RGS7: variants seen among roughly 807,000 people sequenced by gnomAD.
RGS7 encodes regulator of G-protein signaling 7.
In RGS7, 27 loss-of-function variants were observed where a neutral mutation model predicts 81.1. The ratio of observed to expected loss-of-function variants is 0.33; its 90% CI spans 0.25 to 0.46. The LOEUF is 0.46. Among genes scored for constraint, RGS7 ranks in the 20% least tolerant of loss-of-function variants. The pLI is 1.00. For missense variants in RGS7, 396 were observed against 607.4 expected (o/e 0.65, Z 3.66); for synonymous variants, 208 against 207.7 (o/e 1.00, Z -0.01).
intron 5 of RGS7, among the ~76,000 whole-genome samples, chr1:240,934,316 G>T (rs2148365200): frequency 6.6e-6 from 1 of 152,242 alleles, no homozygotes; most frequent in Middle Eastern, 3.4e-3. Context: ...TGTAAACACG[G>T]CATCCCAACT....
intron 3 of RGS7, among the ~76,000 whole-genome samples, chr1:241,064,029 C>G (rs1226544180): frequency 6.6e-6 from 1 of 151,472 alleles, no homozygotes; most frequent in East Asian, 2.0e-4. Context: ...ACTAAAAATA[C>G]AAAATTAGCC....
intron 9 of RGS7, among the ~76,000 whole-genome samples, chr1:240,862,285 A>G (rs554541284): frequency 1.3e-4 from 20 of 152,322 alleles, no homozygotes; most frequent in Non-Finnish European, 1.3e-4. Context: ...GTAAAAAATC[A>G]TATTATGTAT....
At chr1:241,345,238 G>A (rs2082813780) in intron 2 of RGS7, among the ~76,000 whole-genome samples, 1 of 152,310 alleles carries the variant, frequency 6.6e-6, no homozygotes, top group Non-Finnish European at 1.5e-5. Flanking sequence ...CTATCGGAGG[G>A]TGGAGGATGG....
In RGS7 at chr1:240,990,034, C is replaced by T. The variant is rs746794824; in HGVS notation, c.176-6905G>A. On this transcript the variant is annotated intron_variant, in intron 3 of 18. Coordinates refer to ENST00000440928, the MANE Select transcript of RGS7 (RefSeq NM_001364886.1). ...GGGTTAAAATCTCTGCCACTGAAGA[C>T]GGCAAGACATTTGAGGCTGAAATCT... 4.6e-5 allele frequency among the ~76,000 whole-genome samples: 7 copies of T among 152,172 alleles called. No individual in the cohort carries two copies. The South Asian group carries it at 6.2e-4, about 14-fold the overall frequency.
chr1:240,898,336 G>A (rs1312616947), intron 6 of RGS7, among the ~76,000 whole-genome samples: 1 of 152,098 alleles, frequency 6.6e-6, no homozygotes, highest in East Asian at 1.9e-4. Context: ...TTTTGAATGT[G>A]TTTGCTCTTG....
rs112109398 is a variant in RGS7 at position 241,304,746 on chromosome 1, T to C, written c.78+50953A>G. Among the ~76,000 whole-genome samples the C allele has an allele frequency of 2.4e-3, 367 of 152,356 alleles. 4 individuals carry two copies. Among genetic ancestry groups the C allele is most frequent in the African/African-American group, 8.1e-3 (335 of 41,576 alleles). ...AGCAGTGGACATTAATGATAGTTAC[T>C]GCGCTGGCTTAAAAATAAAGAAAAA... On this transcript the variant is annotated intron_variant, in intron 2 of 18. Transcript: ENST00000440928.
intron 7 of RGS7, 131 bp downstream of exon 7, chr1:240,869,924 G>T: frequency 1.2e-6 from 1 of 837,676 alleles, no homozygotes; most frequent in South Asian, 1.4e-5. Flanking sequence ...TGGGTGACAA[G>T]AGTGAAACTC....
intron 2 of RGS7, among the ~76,000 whole-genome samples, chr1:241,297,741 C>T (rs1004866501): frequency 4.6e-5 from 7 of 152,204 alleles, no homozygotes; most frequent in Non-Finnish European, 7.3e-5. Flanking sequence ...TTAATCCAGT[C>T]TTCAATAACT....
intron 10 of RGS7, among the ~76,000 whole-genome samples, chr1:240,825,277 T>C (rs1214073524): frequency 6.6e-6 from 1 of 152,156 alleles, no homozygotes; most frequent in East Asian, 1.9e-4. Context: ...ATTCAGTGGA[T>C]CATTACAGTT....
intron 2 of RGS7, among the ~76,000 whole-genome samples, chr1:241,151,812 G>A (rs1379187070): frequency 6.6e-6 from 1 of 152,064 alleles, no homozygotes; most frequent in Non-Finnish European, 1.5e-5. Context: ...AGGAAAATAT[G>A]AAGTAGAATT....
intron 5 of RGS7, among the ~76,000 whole-genome samples, chr1:240,931,026 C>T (rs1675354074): frequency 6.6e-6 from 1 of 151,940 alleles, no homozygotes; most frequent in Non-Finnish European, 1.5e-5. Flanking sequence ...AATTTTACAC[C>T]AACTGACATA....
chr1:240,808,722 T>C (rs35832563), intron 14 of RGS7, among the ~76,000 whole-genome samples: 9,084 of 152,108 alleles, frequency 0.06, 330 homozygotes, highest in Middle Eastern at 0.085. Context: ...CTTAATAGCA[T>C]GGAGGAGCCA....
chr1:240,942,330 G>T (rs1677731886), intron 4 of RGS7, among the ~76,000 whole-genome samples: 1 of 152,046 alleles, frequency 6.6e-6, no homozygotes, highest in African/African-American at 2.4e-5. Flanking sequence ...TGAGTGTAAA[G>T]TACTCTATAT....
intron 3 of RGS7, among the ~76,000 whole-genome samples, chr1:241,080,789 G>C (rs1485531470): frequency 1.3e-5 from 2 of 152,036 alleles, no homozygotes; most frequent in Admixed American, 1.3e-4. Context: ...TAATTACATA[G>C]GCTAAGTAAA....
rs369533708 is a variant in RGS7 at position 240,930,693 on chromosome 1, A to C, written c.385+24T>G. 4 of 1,609,720 alleles carry C rather than the reference A, an allele frequency of 2.5e-6. No homozygotes were observed. In the African/African-American group the frequency reaches 5.3e-5, roughly 22 times the overall value. ...TCTACACATACAGGCTGTCAATAAT[A>C]AAATAATGAGAGATGGCACTGACCA... On this transcript the variant is annotated intron_variant, in intron 6 of 18. Transcript: ENST00000440928.
chr1:241,150,174 T>C (rs891308103), intron 2 of RGS7, among the ~76,000 whole-genome samples: 1 of 152,190 alleles, frequency 6.6e-6, no homozygotes, highest in Non-Finnish European at 1.5e-5. Flanking sequence ...ATTTGTATTA[T>C]ACAATGAAGA....
At chr1:241,342,122 C>T (rs930490448) in intron 2 of RGS7, among the ~76,000 whole-genome samples, 2 of 152,052 alleles carry the variant, frequency 1.3e-5, no homozygotes. Flanking sequence ...AATCTGTCCA[C>T]CTCAGCCTTC....
At chr1:240,926,404 C>T (rs768587711) in intron 6 of RGS7, among the ~76,000 whole-genome samples, 1 of 152,178 alleles carries the variant, frequency 6.6e-6, no homozygotes, top group Non-Finnish European at 1.5e-5. Context: ...GGAATCCTTT[C>T]TCCATTGCTT....
chr1:241,324,309 G>A (rs996969799), intron 2 of RGS7, among the ~76,000 whole-genome samples: 1 of 151,026 alleles, frequency 6.6e-6, no homozygotes, highest in Non-Finnish European at 1.5e-5. Context: ...AGACAGTTTG[G>A]GATGAAAGAA....
Sources: gnomAD v4.1 joint callset for allele counts (sites outside exome capture counted in the v4.1 genomes callset) on GRCh38, gnomAD v4.1.1 for gene constraint, MANE v1.5 for transcripts, NCBI Gene and HGNC (gene_info 2026-07-23, HGNC 2026-07-21) for gene names.